Variants in WDFY3 observed in about 807,000 individuals in gnomAD.
WDFY3 encodes WD repeat and FYVE domain containing 3, also known as WD repeat and FYVE domain-containing protein 3.
In WDFY3, 66 loss-of-function variants were observed where a neutral mutation model predicts 409.6. The observed-to-expected ratio is 0.16, with a 90% confidence interval of 0.13 to 0.20. The LOEUF (loss-of-function observed/expected upper bound fraction) is 0.20, where lower values mean the gene tolerates loss of function less well. Ranked by LOEUF, WDFY3 falls within the 10% of genes least tolerant of loss-of-function variation. The pLI is 1.00. For missense variants in WDFY3, 3,031 were observed against 4,298.1 expected, an observed-to-expected ratio of 0.71 and a Z score of 8.24; for synonymous variants, 1,521 against 1,537.1, an observed-to-expected ratio of 0.99 and a Z score of 0.25.
chr4:84,853,785 C>A (rs1380324269), intron 4 of WDFY3, among the ~76,000 whole-genome samples: 1 of 152,054 alleles, frequency 6.6e-6, no homozygotes, highest in Admixed American at 6.6e-5. Context: ...ATTTACCAAC[C>A]CAAAATCAGT....
intron 30 of WDFY3, among the ~76,000 whole-genome samples, chr4:84,769,624 A>G (rs902759566): frequency 2.0e-5 from 3 of 151,944 alleles, no homozygotes; most frequent in African/African-American, 2.4e-5. Context: ...GGGTTTCACC[A>G]TGTTAGCCAG....
intron 3 of WDFY3, among the ~76,000 whole-genome samples, chr4:84,880,517 T>C (rs1483000328): frequency 2.0e-5 from 3 of 151,198 alleles, no homozygotes; most frequent in Non-Finnish European, 2.9e-5. Flanking sequence ...ATTGACCATA[T>C]ACAGATCATA....
intron 3 of WDFY3, among the ~76,000 whole-genome samples, chr4:84,875,065 T>G (rs578065593): frequency 6.6e-6 from 1 of 152,018 alleles, no homozygotes; most frequent in African/African-American, 2.4e-5. Flanking sequence ...GTCAGGAATT[T>G]GAGACCAGCC....
At chr4:84,682,243 G>A in intron 64 of WDFY3, 131 bp downstream of exon 64, 1 of 726,142 alleles carries the variant, frequency 1.4e-6, no homozygotes. Context: ...CACACAACAG[G>A]CAGCAACCAT....
chr4:84,786,022 C>T lies in WDFY3; in HGVS notation c.4019G>A (p.Arg1340Gln). 2 of 1,613,868 alleles carry T rather than the reference C, an allele frequency of 1.2e-6. No individual in the cohort carries two copies. The highest frequency in any genetic ancestry group is 1.7e-6 in the Non-Finnish European group (2 of 1,179,920). The change falls in exon 24 of 68, where the codon CGG becomes CAG. Residue 1340 changes from arginine to glutamine, a missense_variant. Arg to Gln is a conservative substitution (Grantham distance 43). This residue lies in a region of WDFY3 where 1,322 missense variants were observed against 1,697.9 expected (regional missense o/e 0.78). Coordinates refer to ENST00000295888, the MANE Select transcript of WDFY3 (RefSeq NM_014991.6). ...SVSSLTVARIRKVYNKLDSKA... is the reference protein window; with the variant it reads ...SVSSLTVARIQKVYNKLDSKA... ...GCTATCCAATTTGTTATACACTTTC[C>T]GGATTCTTGCCACTGTTAGAGACGA... is the stretch of plus-strand genomic sequence containing the variant.
rs1180767239 is a variant in WDFY3 at position 84,704,281 on chromosome 4, AT to A, written c.8442+56del. On this transcript the variant is annotated intron_variant, in intron 55 of 67. Transcript: ENST00000295888. ...AGATAATGATGTTTTAAAAGGTGAC[AT>A]TTTAGATAGAAGTAGGCTTGTATAA... 26 of 1,270,228 alleles carry A rather than the reference AT, an allele frequency of 2.0e-5. No individual in the cohort carries two copies. The East Asian group carries it at 6.2e-4, about 30-fold the overall frequency. 78.7% of individuals were successfully genotyped at this position (1,270,228 alleles called of 1,614,324 possible).
chr4:84,933,211 G>A (rs772514790), intron 1 of WDFY3, among the ~76,000 whole-genome samples: 1 of 151,872 alleles, frequency 6.6e-6, no homozygotes, highest in African/African-American at 2.4e-5. Flanking sequence ...CTCTTTAATC[G>A]TATTATTATA....
Position 84,830,549 on chromosome 4 carries a change from T to G in WDFY3, c.769+864A>C, listed in dbSNP as rs897990645. Among the ~76,000 whole-genome samples the G allele has an allele frequency of 3.3e-5, 5 of 152,318 alleles. No individual in the cohort carries two copies. In the South Asian group the frequency reaches 8.3e-4, roughly 25 times the overall value. On this transcript the variant is annotated intron_variant, in intron 8 of 67. Coordinates refer to ENST00000295888, the MANE Select transcript of WDFY3 (RefSeq NM_014991.6). The stretch of plus-strand genomic sequence containing the variant: ...GGTTTATTGGGACATAACCCCACCA[T>G]AAATTGAGGAGCATCTGTGTATATA...
intron 15 of WDFY3, 29 bp from the exon 16 acceptor site, chr4:84,803,496 AT>A: frequency 6.3e-7 from 1 of 1,578,780 alleles, no homozygotes; most frequent in Non-Finnish European, 8.6e-7. Flanking sequence ...TAAATTTGGT[AT>A]TGAATTCCAA....
In WDFY3 at chr4:84,743,683, TA is replaced by T; in HGVS notation, c.6073+16del. The T allele has an allele frequency of 6.6e-7, 1 of 1,510,432 alleles. No individual in the cohort carries two copies. The highest frequency in any genetic ancestry group is 8.9e-7 in the Non-Finnish European group (1 of 1,121,702). 93.6% of individuals were successfully genotyped at this position (1,510,432 alleles called of 1,614,324 possible). Reference sequence around the variant, plus strand: ...AGTGATTATAGGTATTTCTATAAAATAAAAACACAGAATTACCTAATAACAC... The same window carrying T: ...AGTGATTATAGGTATTTCTATAAAATAAAACACAGAATTACCTAATAACAC... On this transcript the variant is annotated intron_variant, in intron 37 of 67. Transcript: ENST00000295888.
At chr4:84,841,819 A>G (rs1425902555) in intron 5 of WDFY3, among the ~76,000 whole-genome samples, 1 of 152,222 alleles carries the variant, frequency 6.6e-6, no homozygotes, top group African/African-American at 2.4e-5. Flanking sequence ...GAGGGAGCAA[A>G]TGCAGTTTCT....
intron 2 of WDFY3, among the ~76,000 whole-genome samples, chr4:84,926,331 A>T (rs189901433): frequency 2.2e-4 from 33 of 152,026 alleles, no homozygotes; most frequent in Admixed American, 1.4e-3. Context: ...GTGATTAAAA[A>T]GATTAGTGTT....
chr4:84,758,483 A>C (rs1231094657), intron 32 of WDFY3, among the ~76,000 whole-genome samples: 2 of 152,170 alleles, frequency 1.3e-5, no homozygotes, highest in Non-Finnish European at 2.9e-5. Flanking sequence ...CCTAGTGTCA[A>C]ATGATGCTCC....
intron 55 of WDFY3, among the ~76,000 whole-genome samples, chr4:84,703,074 G>C (rs1731325029): frequency 6.6e-6 from 1 of 151,634 alleles, no homozygotes; most frequent in Non-Finnish European, 1.5e-5. Context: ...TCCAGCCTGG[G>C]GGATAGCGAG....
In WDFY3 at chr4:84,831,420, A is replaced by G. The variant is rs1033554518; in HGVS notation, c.762T>C (p.Tyr254=). Residue 254 remains tyrosine (Y), a synonymous_variant, in exon 8 of 68, where the codon TAT becomes TAC. Transcript: ENST00000295888. ...RHGLSVNVVK[Y]IHEKECLSTC... ...ATATAAAGAGATATTCACCATGAAT[A>G]TACTTCACTACATTGACACTAAGAC... The G allele has an allele frequency of 1.3e-6, 2 of 1,599,916 alleles. No individual in the cohort carries two copies. Among genetic ancestry groups the G allele is most frequent in the East Asian group, 2.2e-5 (1 of 44,660 alleles).
At chr4:84,728,051 G>GA (rs768028329) in intron 44 of WDFY3, among the ~76,000 whole-genome samples, 43 of 147,696 alleles carry the variant, frequency 2.9e-4, no homozygotes, top group African/African-American at 8.2e-4. Flanking sequence ...AAAAAAGAAA[G>GA]AAAAAAAAAT....
intron 3 of WDFY3, among the ~76,000 whole-genome samples, chr4:84,870,164 G>C (rs1053836729): frequency 5.9e-5 from 9 of 152,034 alleles, no homozygotes; most frequent in Admixed American, 5.2e-4. Flanking sequence ...ATGGAATACT[G>C]TTAAAAGAAC....
At chr4:84,864,878 A>G (rs1761153063) in intron 3 of WDFY3, among the ~76,000 whole-genome samples, 1 of 151,828 alleles carries the variant, frequency 6.6e-6, no homozygotes, top group African/African-American at 2.4e-5. Context: ...GAGTTTTCTG[A>G]AATACATAAA....
intron 1 of WDFY3, among the ~76,000 whole-genome samples, chr4:84,949,766 G>T (rs983359868): frequency 6.6e-6 from 1 of 152,012 alleles, no homozygotes; most frequent in Non-Finnish European, 1.5e-5. Flanking sequence ...CCACAGATGG[G>T]ATCACCGCCA....
Sources: gnomAD v4.1 joint callset for allele counts (sites outside exome capture counted in the v4.1 genomes callset) on GRCh38, gnomAD v4.1.1 for gene constraint, gnomAD v4.1.1 regional missense constraint, MANE v1.5 for transcripts, NCBI Gene and HGNC (gene_info 2026-07-23, HGNC 2026-07-21) for gene names.